Variants in PRKCZ observed in about 807,000 individuals in gnomAD.
PRKCZ encodes the protein protein kinase C zeta.
Under a neutral mutation model 79.5 loss-of-function variants are expected in PRKCZ, and 33 were observed. The ratio of observed to expected loss-of-function variants is 0.41; its 90% CI spans 0.31 to 0.55. The LOEUF (loss-of-function observed/expected upper bound fraction) is 0.55. PRKCZ is among the 20% of genes least tolerant of loss of function. The pLI, the probability that PRKCZ is intolerant of heterozygous loss-of-function variation, is 0.19. For missense variants in PRKCZ, 578 were observed against 813.5 expected (o/e 0.71, Z 3.52); for synonymous variants, 342 against 320.9 (o/e 1.07, Z -0.70).
chr1:2,151,222 A>G (rs1206690963), intron 9 of PRKCZ, among the ~76,000 whole-genome samples: 2 of 152,198 alleles, frequency 1.3e-5, no homozygotes, highest in Non-Finnish European at 2.9e-5. Context: ...AGCACAGCCA[A>G]CTCCACAGCC....
At chr1:2,104,884 G>C (rs1391139531) in intron 4 of PRKCZ, 1 of 985,492 alleles carries the variant, frequency 1.0e-6, no homozygotes, top group African/African-American at 1.7e-5. Flanking sequence ...AGAGAGAAGA[G>C]CAGTTTTCAG....
intron 6 of PRKCZ, 148 bp downstream of exon 6, chr1:2,144,489 A>AGGC: frequency 6.9e-7 from 1 of 1,449,168 alleles, no homozygotes; most frequent in South Asian, 1.4e-5. Flanking sequence ...CGTGAGACTC[A>AGGC]GGCGGCAGTC....
chr1:2,115,129 C>T (rs1356874236), intron 4 of PRKCZ, among the ~76,000 whole-genome samples: 1 of 152,256 alleles, frequency 6.6e-6, no homozygotes, highest in East Asian at 1.9e-4. Context: ...GAGCTTTTGT[C>T]TTGGGATCCG....
intron 4 of PRKCZ, among the ~76,000 whole-genome samples, chr1:2,096,246 C>T (rs1396155593): frequency 1.3e-5 from 2 of 151,946 alleles, no homozygotes; most frequent in African/African-American, 4.8e-5. Flanking sequence ...TGGTTTTGTG[C>T]AGTGTGTGCC....
intron 4 of PRKCZ, among the ~76,000 whole-genome samples, chr1:2,066,876 A>G (rs2803300): frequency 0.5 from 76,493 of 152,092 alleles, 22,990 homozygotes; most frequent in East Asian, 0.95. Context: ...GGGCCACATG[A>G]CAAAACTGTG....
At chr1:2,141,885 T>C (rs1677397874) in intron 5 of PRKCZ, 2 of 327,440 alleles carry the variant, frequency 6.1e-6, no homozygotes, top group Non-Finnish European at 1.2e-5. Context: ...CTCCTTTCAC[T>C]CCAGGGTCCA....
Position 2,114,690 on chromosome 1 carries a change from C to T in PRKCZ, c.335-20572C>T, listed in dbSNP as rs565211710. ...TCGGGAGGCTGAGGCAGGAGAATCG[C>T]TTGAACCCGGGAGGTGGAGGTGGCA... is the stretch of plus-strand genomic sequence containing the variant. On this transcript the variant is annotated intron_variant, in intron 4 of 17. Transcript: ENST00000378567. Among the ~76,000 whole-genome samples the T allele has an allele frequency of 4.6e-5, 7 of 152,228 alleles. No individual in the cohort carries two copies. In the South Asian group the frequency reaches 1.5e-3, roughly 32 times the overall value.
At chr1:2,077,363 G>T (rs146275346) in intron 4 of PRKCZ, among the ~76,000 whole-genome samples, 25 of 152,348 alleles carry the variant, frequency 1.6e-4, no homozygotes, top group African/African-American at 5.8e-4. Flanking sequence ...CCCTGTGTCT[G>T]TTGGGGCTGT....
chr1:2,150,799 C>A lies in PRKCZ; in HGVS notation c.697C>A (p.Pro233Thr). Residue 233 changes from proline to threonine, a missense_variant, in exon 9 of 18, where the codon CCA (proline) becomes ACA (threonine). Transcript: ENST00000378567. The part of the protein sequence containing the change: ...SIKDDSEDLK[P>T]VIDGMDGIKI... Reference sequence around the variant, plus strand: ...TGTTCTCCCTCCCTAGGACCTTAAGCCAGTTATCGATGGGATGGATGGAAT... The same window carrying A: ...TGTTCTCCCTCCCTAGGACCTTAAGACAGTTATCGATGGGATGGATGGAAT... 1 of 1,613,862 alleles carries A rather than the reference C, an allele frequency of 6.2e-7. No homozygotes were observed. Among genetic ancestry groups the A allele is most frequent in the Non-Finnish European group, 8.5e-7 (1 of 1,179,844 alleles).
chr1:2,091,967 C>T (rs1665589249), intron 4 of PRKCZ, among the ~76,000 whole-genome samples: 1 of 152,214 alleles, frequency 6.6e-6, no homozygotes, highest in African/African-American at 2.4e-5. Context: ...GGAGAAGACT[C>T]ATGTAGAATG....
intron 5 of PRKCZ, chr1:2,140,988 G>C (rs560532869): frequency 6.6e-6 from 1 of 152,350 alleles, no homozygotes; most frequent in African/African-American, 2.4e-5. Context: ...GGGAATATGA[G>C]CAAGGAACAA....
chr1:2,159,906 T>G (rs1201050876), intron 10 of PRKCZ, among the ~76,000 whole-genome samples: 1 of 152,188 alleles, frequency 6.6e-6, no homozygotes, highest in Non-Finnish European at 1.5e-5. Flanking sequence ...GAGATTTAGC[T>G]GAAATGACTA....
intron 4 of PRKCZ, among the ~76,000 whole-genome samples, chr1:2,086,221 C>G (rs1025320313): frequency 6.6e-6 from 1 of 151,986 alleles, no homozygotes; most frequent in African/African-American, 2.4e-5. Flanking sequence ...GCCACCACGC[C>G]CAGCTAATTT....
intron 4 of PRKCZ, among the ~76,000 whole-genome samples, chr1:2,086,731 G>A (rs757462422): frequency 5.9e-5 from 9 of 152,358 alleles, no homozygotes; most frequent in South Asian, 4.1e-4. Flanking sequence ...TGCAGTTCCC[G>A]CGGCAGCTCC....
chr1:2,117,098 C>T (rs1370148445), intron 4 of PRKCZ, among the ~76,000 whole-genome samples: 1 of 151,984 alleles, frequency 6.6e-6, no homozygotes, highest in East Asian at 1.9e-4. Context: ...TACAGGTGTG[C>T]ACCACCATGC....
At chr1:2,055,357 A>G (rs1660067780) in intron 1 of PRKCZ, 84 bp from the exon 2 acceptor site, 1 of 1,483,734 alleles carries the variant, frequency 6.7e-7, no homozygotes, top group Non-Finnish European at 9.0e-7. Context: ...TATCTAATCA[A>G]TGATTTGGTT....
chr1:2,105,301 T>A (rs1210876239), intron 4 of PRKCZ, among the ~76,000 whole-genome samples: 1 of 152,186 alleles, frequency 6.6e-6, no homozygotes, highest in Non-Finnish European at 1.5e-5. Context: ...GACGCAACTC[T>A]TGAAAGGCCC....
intron 4 of PRKCZ, among the ~76,000 whole-genome samples, chr1:2,100,344 C>T (rs2102578260): frequency 6.6e-6 from 1 of 152,374 alleles, no homozygotes; most frequent in African/African-American, 2.4e-5. Context: ...GCGGATGGCA[C>T]AAGCTGCCAG....
At chr1:2,087,144 G>A (rs904288429) in intron 4 of PRKCZ, among the ~76,000 whole-genome samples, 2 of 151,862 alleles carry the variant, frequency 1.3e-5, no homozygotes, top group Admixed American at 6.6e-5. Context: ...GTGCAGTGGC[G>A]CGATCTCAGC....
Sources: allele counts gnomAD v4.1 joint callset (sites outside exome capture counted in the v4.1 genomes callset), GRCh38; gene constraint gnomAD v4.1.1; transcripts MANE v1.5; gene names NCBI Gene and HGNC (gene_info 2026-07-23, HGNC 2026-07-21).